SLC4A4: variants seen among roughly 807,000 people sequenced by gnomAD.
SLC4A4 encodes electrogenic sodium bicarbonate cotransporter 1.
In SLC4A4, 27 loss-of-function variants were observed where a neutral mutation model predicts 111.5. That is an observed-to-expected ratio of 0.24 (90% CI 0.18 to 0.33). SLC4A4 has a LOEUF of 0.33. Among genes scored for constraint, SLC4A4 ranks in the 10% least tolerant of loss-of-function variants. The pLI, the probability that SLC4A4 is intolerant of heterozygous loss-of-function variation, is 1.00. For missense variants in SLC4A4, 909 were observed against 1,315.5 expected (o/e 0.69, Z 4.78); for synonymous variants, 443 against 463.4 (o/e 0.96, Z 0.57).
rs757268018 is a variant in SLC4A4 at position 71,534,387 on chromosome 4, A to G, written c.2441A>G (p.Lys814Arg). Residue 814 changes from lysine (K) to arginine (R), a missense_variant and splice_region_variant, in exon 18 of 26, where the codon AAG becomes AGG. Around this residue, in one of 7 missense-constraint regions of SLC4A4, gnomAD observed 264 missense variants for 356.8 expected, o/e 0.74. Coordinates refer to ENST00000264485, the MANE Select transcript of SLC4A4 (RefSeq NM_001098484.3). ...GTAAACAGGAAAGAACATAAACTCA[A>G]GGTAAGTGTCCATAATAATGTCTGT... ...VIVNRKEHKL[K>R]KGAGYHLDLF... 33 of 1,613,300 alleles carry G rather than the reference A, an allele frequency of 2.0e-5. No individual in the cohort carries two copies. Among genetic ancestry groups the G allele is most frequent in the Non-Finnish European group, 2.7e-5 (32 of 1,179,428 alleles).
intron 2 of SLC4A4, among the ~76,000 whole-genome samples, chr4:71,165,734 A>C (rs952723218): frequency 1.3e-5 from 2 of 152,190 alleles, no homozygotes; most frequent in African/African-American, 4.8e-5. Context: ...AACTAATAAA[A>C]AAAACATTAT....
chr4:71,168,807 A>C (rs2148981275), intron 2 of SLC4A4, among the ~76,000 whole-genome samples: 1 of 152,270 alleles, frequency 6.6e-6, no homozygotes, highest in Admixed American at 6.5e-5. Context: ...TTTAAGGCTG[A>C]ATAGTACTCC....
chr4:71,339,680 A>C (rs1001263222), intron 4 of SLC4A4, among the ~76,000 whole-genome samples, 175 bp downstream of exon 4: 2 of 152,104 alleles, frequency 1.3e-5, no homozygotes, highest in East Asian at 3.9e-4. Context: ...TGTTGACATG[A>C]ATGCAGGGCA....
At chr4:71,098,020 C>T (rs528131179) in intron 2 of SLC4A4, among the ~76,000 whole-genome samples, 2 of 152,178 alleles carry the variant, frequency 1.3e-5, no homozygotes, top group South Asian at 2.1e-4. Flanking sequence ...TGCAGAAGCT[C>T]GTGTTTAATT....
chr4:71,212,676 G>A (rs903652241), intron 1 of SLC4A4, among the ~76,000 whole-genome samples: 18 of 152,258 alleles, frequency 1.2e-4, no homozygotes, highest in African/African-American at 3.4e-4. Context: ...GTGTGCACGC[G>A]TTTGTGTGTG....
chr4:71,414,375 C>T (rs1721655308), intron 7 of SLC4A4, among the ~76,000 whole-genome samples: 1 of 152,202 alleles, frequency 6.6e-6, no homozygotes, highest in African/African-American at 2.4e-5. Flanking sequence ...ATAAACTATA[C>T]TAGGGTGGAG....
chr4:71,423,904 GCA>G, intron 7 of SLC4A4, among the ~76,000 whole-genome samples: 1 of 152,078 alleles, frequency 6.6e-6, no homozygotes. Context: ...GAACGCCTAG[GCA>G]TTACCATTCA....
In SLC4A4 at chr4:71,350,028, C is replaced by A. The variant is rs781768390; in HGVS notation, c.506C>A (p.Ser169Tyr). The A allele has an allele frequency of 6.8e-6, 11 of 1,614,118 alleles. 1 individual carries two copies. The South Asian group carries it at 9.9e-5, about 14-fold the overall frequency. The change falls in exon 5 of 26, where the codon TCC (serine) becomes TAC (tyrosine). Residue 169 changes from serine to tyrosine, a missense_variant. This residue lies in a region of SLC4A4 where 312 missense variants were observed against 402.0 expected (regional missense o/e 0.78). Coordinates refer to ENST00000264485, the MANE Select transcript of SLC4A4 (RefSeq NM_001098484.3). The stretch of plus-strand genomic sequence containing the variant: ...CTGAGGACATGTATGGAGAAAGGAT[C>A]CATCATGCTTGATCGGGAGGCTTCT... ...FELRTCMEKGSIMLDREASSL... is the reference protein window; with the variant it reads ...FELRTCMEKGYIMLDREASSL...
At chr4:71,132,113 C>T (rs1362572485) in intron 2 of SLC4A4, among the ~76,000 whole-genome samples, 1 of 152,086 alleles carries the variant, frequency 6.6e-6, no homozygotes, top group East Asian at 1.9e-4. Context: ...TTTGTCCTGA[C>T]ACTTTAAAAA....
At chr4:71,071,319 A>G (rs1160118937) in intron 1 of SLC4A4, among the ~76,000 whole-genome samples, 1 of 151,724 alleles carries the variant, frequency 6.6e-6, no homozygotes, top group Non-Finnish European at 1.5e-5. Flanking sequence ...TTTTGGTTCT[A>G]AAATGATTCA....
intron 9 of SLC4A4, among the ~76,000 whole-genome samples, chr4:71,449,622 G>A (rs190230806): frequency 2.6e-4 from 40 of 152,134 alleles, no homozygotes; most frequent in African/African-American, 9.2e-4. Context: ...TATTGAACAG[G>A]GACCATCTTC....
chr4:71,428,253 C>T (rs994767988), intron 7 of SLC4A4, among the ~76,000 whole-genome samples: 6 of 152,076 alleles, frequency 3.9e-5, no homozygotes, highest in Admixed American at 1.3e-4. Flanking sequence ...CTCCCTTACA[C>T]TTTTGAGTTT....
At chr4:71,483,419 G>A (rs1729071547) in intron 14 of SLC4A4, among the ~76,000 whole-genome samples, 1 of 151,966 alleles carries the variant, frequency 6.6e-6, no homozygotes, top group East Asian at 1.9e-4. Flanking sequence ...GTGAGAACAT[G>A]CAATATTTGG....
chr4:71,155,094 G>C (rs1010362375), intron 2 of SLC4A4, among the ~76,000 whole-genome samples: 82 of 152,010 alleles, frequency 5.4e-4, no homozygotes, highest in Non-Finnish European at 5.3e-4. Flanking sequence ...GGGTGTGTGT[G>C]TGTGTGTGTG....
intron 16 of SLC4A4, among the ~76,000 whole-genome samples, chr4:71,499,074 AT>A (rs35812881): frequency 2.0e-5 from 3 of 150,374 alleles, no homozygotes; most frequent in South Asian, 2.1e-4. Context: ...TTTGAGGACA[AT>A]TTTTTTTTTC....
intron 16 of SLC4A4, among the ~76,000 whole-genome samples, chr4:71,503,431 T>C (rs1373375288): frequency 2.0e-5 from 3 of 152,072 alleles, no homozygotes; most frequent in East Asian, 3.9e-4. Flanking sequence ...GTGCTAAGCT[T>C]TGTTTCTTTT....
chr4:71,460,345 G>A (rs1186253962), intron 12 of SLC4A4, among the ~76,000 whole-genome samples: 1 of 151,898 alleles, frequency 6.6e-6, no homozygotes, highest in Non-Finnish European at 1.5e-5. Context: ...TAATGTTTCC[G>A]ATGATCCAGA....
chr4:71,387,686 G>A (rs1718879302), intron 6 of SLC4A4, among the ~76,000 whole-genome samples: 1 of 152,044 alleles, frequency 6.6e-6, no homozygotes, highest in Non-Finnish European at 1.5e-5. Context: ...TAGAGACGGA[G>A]TTTCTCCATG....
chr4:71,186,564 C>A (rs1461821861), upstream of SLC4A4, among the ~76,000 whole-genome samples: 2 of 151,826 alleles, frequency 1.3e-5, no homozygotes, highest in Admixed American at 6.6e-5. Context: ...CAGCTCCGGG[C>A]GGGCGCTGCG....
Sources: gnomAD v4.1 joint callset for allele counts (sites outside exome capture counted in the v4.1 genomes callset) on GRCh38, gnomAD v4.1.1 for gene constraint, gnomAD v4.1.1 regional missense constraint, MANE v1.5 for transcripts, NCBI Gene and HGNC (gene_info 2026-07-23, HGNC 2026-07-21) for gene names.